The following NOX3 variants were observed in gnomAD, a reference collection of about 807,000 sequenced individuals.
NOX3 encodes NADPH oxidase 3.
NOX3 carries 74 observed loss-of-function variants against 76.7 expected under a neutral mutation model. That is an observed-to-expected ratio of 0.96 (90% confidence interval 0.80 to 1.17). NOX3 has a LOEUF of 1.17. NOX3 is among the 50% of genes most tolerant of loss of function. NOX3 has a pLI of 0.00. For synonymous variants in NOX3, 263 were observed against 261.1 expected (o/e 1.01, Z -0.07); for missense variants, 695 against 703.3 (o/e 0.99, Z 0.13).
chr6:155,396,723 A>C (rs775751788), intron 13 of NOX3, 86 bp downstream of exon 13: 149 of 1,064,122 alleles, frequency 1.4e-4, no homozygotes, highest in Non-Finnish European at 1.9e-4. Context: ...CGGACCATAC[A>C]GTGCATAGAG....
At chr6:155,437,169 C>T (rs1284512482) in intron 6 of NOX3, among the ~76,000 whole-genome samples, 1 of 152,154 alleles carries the variant, frequency 6.6e-6, no homozygotes. Context: ...ACGAAGAGTC[C>T]TATAATCCTG....
intron 7 of NOX3, among the ~76,000 whole-genome samples, chr6:155,432,631 C>T (rs1776849491): frequency 6.6e-6 from 1 of 152,182 alleles, no homozygotes; most frequent in Admixed American, 6.5e-5. Flanking sequence ...CATGGTCCCT[C>T]TTCTCACCTA....
At chr6:155,445,188 T>C (rs1186242318) in intron 4 of NOX3, among the ~76,000 whole-genome samples, 1 of 152,226 alleles carries the variant, frequency 6.6e-6, no homozygotes, top group Non-Finnish European at 1.5e-5. Context: ...ATAACTGCCA[T>C]TGGGATCAGA....
intron 10 of NOX3, among the ~76,000 whole-genome samples, chr6:155,412,076 C>T (rs191274121): frequency 2.6e-5 from 4 of 152,244 alleles, no homozygotes; most frequent in Non-Finnish European, 5.9e-5. Context: ...CAAATAATTG[C>T]ATCTAGAAGA....
chr6:155,413,017 G>T (rs560411933), intron 10 of NOX3, among the ~76,000 whole-genome samples: 2 of 152,216 alleles, frequency 1.3e-5, no homozygotes, highest in African/African-American at 2.4e-5. Context: ...GGCTCAATGA[G>T]CCCTCTCTTG....
At chr6:155,418,484 C>CT (rs1776648378) in intron 10 of NOX3, among the ~76,000 whole-genome samples, 2 of 152,192 alleles carry the variant, frequency 1.3e-5, no homozygotes, top group Admixed American at 1.3e-4. Context: ...TGTATTACAA[C>CT]TTTTTTCCAT....
intron 12 of NOX3, among the ~76,000 whole-genome samples, chr6:155,403,979 C>T (rs1159750174): frequency 6.6e-6 from 1 of 151,882 alleles, no homozygotes. Context: ...CAAAAAGGGA[C>T]AATCCTAATA....
intron 10 of NOX3, among the ~76,000 whole-genome samples, chr6:155,420,603 G>C (rs1312765253): frequency 6.6e-6 from 1 of 152,134 alleles, no homozygotes; most frequent in Non-Finnish European, 1.5e-5. Context: ...GTCCTCATCA[G>C]TATTGAGAAT....
intron 9 of NOX3, among the ~76,000 whole-genome samples, chr6:155,425,209 A>G (rs898013703): frequency 6.6e-6 from 1 of 152,104 alleles, no homozygotes; most frequent in African/African-American, 2.4e-5. Flanking sequence ...CCTTTTTGGC[A>G]TCTCAGGCCT....
At chr6:155,414,167 G>A (rs1444693502) in intron 10 of NOX3, among the ~76,000 whole-genome samples, 1 of 152,196 alleles carries the variant, frequency 6.6e-6, no homozygotes, top group East Asian at 1.9e-4. Context: ...CTCAGTAGAA[G>A]TGTTTCAGGC....
chr6:155,430,924 C>G lies in NOX3; in HGVS notation c.810G>C (p.Trp270Cys), dbSNP rs1317643919. 1 of 1,608,490 alleles carries G rather than the reference C, an allele frequency of 6.2e-7. No homozygotes were observed. Among genetic ancestry groups the G allele is most frequent in the East Asian group, 2.2e-5 (1 of 44,830 alleles). ...FSGKEPSAWK[W>C]ILGPVVLYAC... ...CATACAAGACCACAGGGCCTAAAAT[C>G]CATTTCCAAGCCTGAAGAGAGTAGC... is the stretch of plus-strand genomic sequence containing the variant. The change falls in exon 8 of 14, where the codon TGG becomes TGC. Residue 270 changes from tryptophan to cysteine, a missense_variant. Coordinates refer to ENST00000159060, the MANE Select transcript of NOX3 (RefSeq NM_015718.3).
intron 10 of NOX3, among the ~76,000 whole-genome samples, chr6:155,414,209 G>A (rs1387336087): frequency 1.3e-5 from 2 of 152,206 alleles, no homozygotes; most frequent in African/African-American, 4.8e-5. Context: ...TTGAACAGAA[G>A]CAAAAGGTAT....
At chr6:155,399,021 C>T (rs1779177015) in intron 12 of NOX3, among the ~76,000 whole-genome samples, 3 of 152,172 alleles carry the variant, frequency 2.0e-5, no homozygotes, top group Admixed American at 2.0e-4. Flanking sequence ...GGTGTTAACA[C>T]AGAGGTGATT....
intron 5 of NOX3, among the ~76,000 whole-genome samples, chr6:155,441,329 G>A (rs193237390): frequency 5.9e-5 from 9 of 152,206 alleles, no homozygotes; most frequent in African/African-American, 1.7e-4. Context: ...AGCAAAGAGT[G>A]GAAATAAAAT....
intron 4 of NOX3, among the ~76,000 whole-genome samples, chr6:155,446,103 C>T (rs995602335): frequency 9.9e-5 from 15 of 151,306 alleles, no homozygotes; most frequent in Middle Eastern, 6.8e-3. Flanking sequence ...GATAGTGTTT[C>T]CGCATCGTGA....
chr6:155,411,545 A>C (rs1476222245), intron 10 of NOX3, among the ~76,000 whole-genome samples, 185 bp from the exon 11 acceptor site: 1 of 152,172 alleles, frequency 6.6e-6, no homozygotes, highest in Non-Finnish European at 1.5e-5. Flanking sequence ...AAAATTCACA[A>C]TGTGTTTGAA....
intron 7 of NOX3, among the ~76,000 whole-genome samples, chr6:155,432,903 GGTCT>G (rs1326112918): frequency 6.6e-6 from 1 of 152,090 alleles, no homozygotes; most frequent in Non-Finnish European, 1.5e-5. Context: ...GGAATCCTTA[GGTCT>G]CTTATGCTTG....
chr6:155,445,907 TATG>T (rs1777054647), intron 4 of NOX3, among the ~76,000 whole-genome samples: 1 of 143,344 alleles, frequency 7.0e-6, no homozygotes, highest in Non-Finnish European at 1.5e-5. Flanking sequence ...ATATTATATA[TATG>T]CTATAGATAT....
At chr6:155,454,115 A>G (rs1485622939) in intron 3 of NOX3, among the ~76,000 whole-genome samples, 1 of 152,234 alleles carries the variant, frequency 6.6e-6, no homozygotes, top group Non-Finnish European at 1.5e-5. Context: ...AGACACAGAG[A>G]CACAAAGTGA....
Sources: allele counts gnomAD v4.1 joint callset (sites outside exome capture counted in the v4.1 genomes callset), GRCh38; gene constraint gnomAD v4.1.1; transcripts MANE v1.5; gene names NCBI Gene and HGNC (gene_info 2026-07-23, HGNC 2026-07-21).